The following AGBL4 variants were observed in gnomAD, a reference collection of about 807,000 sequenced individuals.
AGBL4 encodes the protein AGBL carboxypeptidase 4.
In AGBL4, 58 loss-of-function variants were observed where a neutral mutation model predicts 66.4. The ratio of observed to expected loss-of-function variants is 0.87; its 90% CI spans 0.71 to 1.09. The LOEUF (loss-of-function observed/expected upper bound fraction) is 1.09. AGBL4 is among the 50% of genes least tolerant of loss of function. The probability of loss-of-function intolerance (pLI) is 0.00; values close to 1 mark genes in which losing one functional copy is unlikely to be tolerated. For missense variants in AGBL4, 579 were observed against 631.0 expected, an observed-to-expected ratio of 0.92 and a Z score of 0.88; for synonymous variants, 234 against 222.9, an observed-to-expected ratio of 1.05 and a Z score of -0.44.
intron 1 of AGBL4, among the ~76,000 whole-genome samples, chr1:49,886,815 A>G (rs1226443361): frequency 6.6e-6 from 1 of 152,168 alleles, no homozygotes; most frequent in South Asian, 2.1e-4. Flanking sequence ...TTCCCAAATT[A>G]GACTTGCACT....
intron 3 of AGBL4, among the ~76,000 whole-genome samples, chr1:49,247,844 T>G (rs1557764743): frequency 6.6e-6 from 1 of 152,148 alleles, no homozygotes. Context: ...TAAACAAAAG[T>G]TGTTTATTTT....
At position 49,558,711 on chromosome 1, in the gene AGBL4, T is replaced by C. The variant is rs936666946; in HGVS notation, c.282+138602A>G. 8.0e-4 allele frequency among the ~76,000 whole-genome samples: 122 copies of C among 152,146 alleles called. 1 individual carries two copies. Among genetic ancestry groups the C allele is most frequent in the African/African-American group, 2.8e-3 (118 of 41,440 alleles). ...TGCCATGGGCCAGCAGAGAGCCCAG[T>C]ACCCTAGAGGGTGAGTTGCAGGCCA... On this transcript the variant is annotated intron_variant, in intron 3 of 13. Transcript: ENST00000371839.
chr1:48,609,856 C>G (rs905947569), intron 9 of AGBL4, among the ~76,000 whole-genome samples: 15 of 152,224 alleles, frequency 9.9e-5, no homozygotes, highest in African/African-American at 3.6e-4. Flanking sequence ...CTTTCAGAAG[C>G]CTTTCCTGAC....
intron 5 of AGBL4, among the ~76,000 whole-genome samples, chr1:48,876,252 C>T (rs557733004): frequency 6.6e-6 from 1 of 152,148 alleles, no homozygotes; most frequent in South Asian, 2.1e-4. Context: ...ATACAGAAAC[C>T]TCGATCAAGT....
At chr1:48,541,695 A>G (rs900921825) in intron 11 of AGBL4, among the ~76,000 whole-genome samples, 4 of 152,158 alleles carry the variant, frequency 2.6e-5, no homozygotes, top group African/African-American at 7.2e-5. Context: ...CTTGAACCCA[A>G]GAGACGGAGG....
chr1:49,516,243 A>G (rs1316039165), intron 3 of AGBL4, among the ~76,000 whole-genome samples: 1 of 151,956 alleles, frequency 6.6e-6, no homozygotes, highest in African/African-American at 2.4e-5. Flanking sequence ...ATACACATGC[A>G]ATTATACTAT....
At chr1:48,523,852 C>T in the AGBL4 span, among the ~76,000 whole-genome samples, 9 of 152,162 alleles carry the variant, frequency 5.9e-5, no homozygotes, top group African/African-American at 2.2e-4. Flanking sequence ...CTGCTATACA[C>T]CTAGGCTACA....
chr1:49,790,319 G>T (rs1048626792), intron 2 of AGBL4, among the ~76,000 whole-genome samples: 1 of 147,342 alleles, frequency 6.8e-6, no homozygotes, highest in Admixed American at 6.9e-5. Flanking sequence ...AGCTGAGATC[G>T]CATGACTGCA....
intron 6 of AGBL4, among the ~76,000 whole-genome samples, chr1:48,698,194 G>T (rs1646744636): frequency 6.6e-6 from 1 of 152,208 alleles, no homozygotes. Context: ...TGGGCACTGA[G>T]GATGGTTACC....
chr1:49,275,627 T>A (rs1644152373), intron 3 of AGBL4, among the ~76,000 whole-genome samples: 1 of 151,990 alleles, frequency 6.6e-6, no homozygotes, highest in South Asian at 2.1e-4. Flanking sequence ...AGAGAAAAAA[T>A]GTTTCAGAAA....
chr1:49,669,708 T>C (rs371929358), intron 3 of AGBL4, among the ~76,000 whole-genome samples: 1 of 152,274 alleles, frequency 6.6e-6, no homozygotes, highest in Admixed American at 6.5e-5. Flanking sequence ...AGATACTTTG[T>C]GTTAGGTGCT....
intron 6 of AGBL4, chr1:48,817,937 G>A (rs1646219674): frequency 3.1e-6 from 2 of 640,030 alleles, no homozygotes; most frequent in Non-Finnish European, 5.7e-6. Context: ...GTAGTCAGTA[G>A]GCAAAAAGCT....
chr1:48,691,793 C>A (rs1417194438), intron 6 of AGBL4, among the ~76,000 whole-genome samples: 2 of 152,168 alleles, frequency 1.3e-5, no homozygotes, highest in South Asian at 4.1e-4. Context: ...CAGCCTCCCT[C>A]CTCTCCCCTG....
chr1:49,776,268 A>G (rs1367064441), intron 2 of AGBL4, among the ~76,000 whole-genome samples: 1 of 152,138 alleles, frequency 6.6e-6, no homozygotes, highest in African/African-American at 2.4e-5. Flanking sequence ...GCTACCTTTC[A>G]TCTGGTATCA....
chr1:49,482,769 T>G (rs1646983459), intron 3 of AGBL4, among the ~76,000 whole-genome samples: 1 of 152,100 alleles, frequency 6.6e-6, no homozygotes, highest in Non-Finnish European at 1.5e-5. Context: ...GTGCTATAAA[T>G]CATCCTCTCA....
At chr1:49,913,519 C>T (rs1651068171) in intron 1 of AGBL4, among the ~76,000 whole-genome samples, 1 of 152,232 alleles carries the variant, frequency 6.6e-6, no homozygotes, top group Non-Finnish European at 1.5e-5. Context: ...CACGTCAGTG[C>T]TCTTGGATTA....
At chr1:49,618,714 A>C (rs931481087) in intron 3 of AGBL4, among the ~76,000 whole-genome samples, 42 of 152,184 alleles carry the variant, frequency 2.8e-4, no homozygotes, top group African/African-American at 9.4e-4. Flanking sequence ...CAATGCAAAA[A>C]TCCTCAATAA....
At chr1:48,745,871 C>T (rs1650658449) in intron 6 of AGBL4, among the ~76,000 whole-genome samples, 2 of 152,094 alleles carry the variant, frequency 1.3e-5, no homozygotes, top group Non-Finnish European at 2.9e-5. Flanking sequence ...TCTGCCCCTA[C>T]TCTACCATAA....
intron 2 of AGBL4, chr1:49,844,886 CT>C (rs1386858053): frequency 7.0e-7 from 1 of 1,422,382 alleles, no homozygotes; most frequent in African/African-American, 1.4e-5. Context: ...GCCTTGATGC[CT>C]TTGAAGATGC....
Sources: allele counts gnomAD v4.1 joint callset (sites outside exome capture counted in the v4.1 genomes callset), GRCh38; gene constraint gnomAD v4.1.1; transcripts MANE v1.5; gene names NCBI Gene and HGNC (gene_info 2026-07-23, HGNC 2026-07-21).